The following SLC24A2 variants were observed in gnomAD, a reference collection of about 807,000 sequenced individuals.
The protein encoded by SLC24A2 is sodium/potassium/calcium exchanger 2.
SLC24A2 carries 36 observed loss-of-function variants against 62.0 expected under a neutral mutation model. That is an observed-to-expected ratio of 0.58 (90% CI 0.44 to 0.77). SLC24A2 has a LOEUF of 0.77. SLC24A2 is among the 30% of genes least tolerant of loss of function. The pLI is 0.00. For missense variants in SLC24A2, 846 were observed against 817.9 expected (o/e 1.03, Z -0.42); for synonymous variants, 358 against 294.0 (o/e 1.22, Z -2.23).
chr9:19,557,288 G>T (rs186750017), intron 7 of SLC24A2, among the ~76,000 whole-genome samples: 1 of 152,204 alleles, frequency 6.6e-6, no homozygotes, highest in Non-Finnish European at 1.5e-5. Flanking sequence ...CAAACATGAA[G>T]TGTAGGAGTT....
the SLC24A2 span, among the ~76,000 whole-genome samples, chr9:20,160,531 A>T: frequency 6.6e-6 from 1 of 151,480 alleles, no homozygotes; most frequent in Non-Finnish European, 1.5e-5. Context: ...TTGATATGGT[A>T]GTTTATAAAG....
the SLC24A2 span, among the ~76,000 whole-genome samples, chr9:19,796,041 T>C: frequency 6.8e-6 from 1 of 146,170 alleles, no homozygotes; most frequent in Non-Finnish European, 1.5e-5. Flanking sequence ...AAACACTGCA[T>C]GTTGTCACTC....
chr9:20,054,365 T>C, the SLC24A2 span, among the ~76,000 whole-genome samples: 1 of 152,038 alleles, frequency 6.6e-6, no homozygotes, highest in Non-Finnish European at 1.5e-5. Flanking sequence ...CTAATTTTTG[T>C]ATTTTTAGTA....
the SLC24A2 span, among the ~76,000 whole-genome samples, chr9:19,904,926 C>A: frequency 6.6e-6 from 1 of 151,882 alleles, no homozygotes. Flanking sequence ...GAATAAAGAC[C>A]CATTTAGTAA....
At chr9:19,961,144 A>T in the SLC24A2 span, among the ~76,000 whole-genome samples, 2 of 116,242 alleles carry the variant, frequency 1.7e-5, no homozygotes, top group African/African-American at 1.0e-4. Context: ...GAAAGGGGAG[A>T]GAGAGAGAGA....
chr9:19,745,910 A>G (rs914350689), intron 2 of SLC24A2, among the ~76,000 whole-genome samples: 47 of 152,180 alleles, frequency 3.1e-4, no homozygotes, highest in Non-Finnish European at 5.1e-4. Context: ...GTTAATATCA[A>G]TCTAGTTTCC....
At chr9:20,267,962 C>T in the SLC24A2 span, among the ~76,000 whole-genome samples, 2 of 152,228 alleles carry the variant, frequency 1.3e-5, no homozygotes, top group South Asian at 4.2e-4. Context: ...CTCCCCATCC[C>T]ACTGGGTTGC....
chr9:20,204,342 GTCT>G, the SLC24A2 span, among the ~76,000 whole-genome samples: 1 of 152,190 alleles, frequency 6.6e-6, no homozygotes, highest in African/African-American at 2.4e-5. Flanking sequence ...GCGTTGCCAC[GTCT>G]TCTGCATAAT....
At chr9:19,728,715 T>G (rs1177720641) in intron 2 of SLC24A2, among the ~76,000 whole-genome samples, 1 of 152,198 alleles carries the variant, frequency 6.6e-6, no homozygotes, top group Non-Finnish European at 1.5e-5. Context: ...GACTGGTGTT[T>G]TAAAAAGCTC....
intron 2 of SLC24A2, among the ~76,000 whole-genome samples, chr9:19,762,627 G>A (rs12455782): frequency 6.6e-6 from 1 of 152,052 alleles, no homozygotes; most frequent in Non-Finnish European, 1.5e-5. Flanking sequence ...GTAGATGTGT[G>A]GTGTTATTTC....
the SLC24A2 span, among the ~76,000 whole-genome samples, chr9:20,298,834 C>T: frequency 6.6e-6 from 1 of 152,292 alleles, no homozygotes; most frequent in South Asian, 2.1e-4. Flanking sequence ...GTGAGTTATC[C>T]CCTATGCTCT....
chr9:19,810,603 C>T, the SLC24A2 span, among the ~76,000 whole-genome samples: 1 of 152,182 alleles, frequency 6.6e-6, no homozygotes, highest in African/African-American at 2.4e-5. Flanking sequence ...AAGATGCTAA[C>T]TTACTTTAAT....
intron 4 of SLC24A2, among the ~76,000 whole-genome samples, chr9:19,604,906 T>A (rs1255255949): frequency 1.3e-5 from 2 of 152,214 alleles, no homozygotes; most frequent in Non-Finnish European, 2.9e-5. Flanking sequence ...AAATTATGAA[T>A]AATTTACAGG....
chr9:20,223,311 T>C, the SLC24A2 span, among the ~76,000 whole-genome samples: 2 of 152,128 alleles, frequency 1.3e-5, no homozygotes, highest in East Asian at 1.9e-4. Flanking sequence ...CATAAAGATA[T>C]CATCTTTTCA....
chr9:19,957,625 C>T, the SLC24A2 span: 1 of 152,728 alleles, frequency 6.5e-6, no homozygotes, highest in Non-Finnish European at 1.5e-5. Context: ...GGTCTTTGTT[C>T]AAAACTGCTC....
chr9:19,693,341 A>C (rs1820095704), intron 2 of SLC24A2, among the ~76,000 whole-genome samples: 1 of 152,136 alleles, frequency 6.6e-6, no homozygotes, highest in African/African-American at 2.4e-5. Context: ...CTGATCATTC[A>C]TTTGTCTATA....
chr9:19,903,039 C>CT, the SLC24A2 span, among the ~76,000 whole-genome samples: 55,035 of 145,610 alleles, frequency 0.38, 10,289 homozygotes, highest in South Asian at 0.56. Flanking sequence ...AAAAATCAGG[C>CT]TTTTTTTTTT....
intron 4 of SLC24A2, among the ~76,000 whole-genome samples, chr9:19,603,124 T>A (rs576390507): frequency 7.2e-5 from 11 of 152,186 alleles, no homozygotes; most frequent in Non-Finnish European, 1.3e-4. Flanking sequence ...AAAATCTGTT[T>A]GAGCTCTTCT....
chr9:20,222,513 A>T, the SLC24A2 span, among the ~76,000 whole-genome samples: 1 of 152,110 alleles, frequency 6.6e-6, no homozygotes, highest in African/African-American at 2.4e-5. Flanking sequence ...AACTAATTTT[A>T]TATCAATGTT....
Sources: gnomAD v4.1 joint callset for allele counts (sites outside exome capture counted in the v4.1 genomes callset) on GRCh38, gnomAD v4.1.1 for gene constraint, MANE v1.5 for transcripts, NCBI Gene and HGNC (gene_info 2026-07-23, HGNC 2026-07-21) for gene names.